Variants in SPATS2L observed in about 807,000 individuals in gnomAD.
SPATS2L encodes the protein spermatogenesis associated serine rich 2 like.
Under a neutral mutation model 59.6 loss-of-function variants are expected in SPATS2L, and 30 were observed. The observed-to-expected ratio is 0.50, with a 90% CI of 0.38 to 0.68. The LOEUF (loss-of-function observed/expected upper bound fraction) is 0.68, where lower values mean the gene tolerates loss of function less well. SPATS2L is among the 30% of genes least tolerant of loss of function. The pLI is 0.00. For synonymous variants in SPATS2L, 252 were observed against 263.5 expected (o/e 0.96, Z 0.42); for missense variants, 615 against 700.0 (o/e 0.88, Z 1.37).
chr2:200,379,984 CAG>C (rs1248439144), intron 2 of SPATS2L, among the ~76,000 whole-genome samples: 1 of 152,130 alleles, frequency 6.6e-6, no homozygotes, highest in Non-Finnish European at 1.5e-5. Context: ...GCCCAGCAAT[CAG>C]AAGCAGATCC....
chr2:200,329,451 G>A lies in SPATS2L; in HGVS notation c.-52G>A, dbSNP rs1389724692. 2 of 1,550,562 alleles carry A rather than the reference G, an allele frequency of 1.3e-6. No homozygotes were observed. Among genetic ancestry groups the A allele is most frequent in the Middle Eastern group, 1.7e-4 (1 of 5,988 alleles). On this transcript the variant is annotated 5_prime_UTR_variant, in exon 2 of 13. Coordinates refer to ENST00000409140, the MANE Select transcript of SPATS2L (RefSeq NM_001100423.2). ...CCTAGAGCTCTTCAGAAACCAGGCTGCTTTCAGGAACATTGCTGTGGATTC... is the reference window on the plus strand; with the variant it reads ...CCTAGAGCTCTTCAGAAACCAGGCTACTTTCAGGAACATTGCTGTGGATTC...
intron 3 of SPATS2L, among the ~76,000 whole-genome samples, chr2:200,406,101 C>T (rs960831962): frequency 6.6e-6 from 1 of 152,172 alleles, no homozygotes; most frequent in African/African-American, 2.4e-5. Context: ...CTGAATGCCA[C>T]CCATTGTTCT....
intron 1 of SPATS2L, among the ~76,000 whole-genome samples, chr2:200,323,929 G>A (rs2079645905): frequency 6.6e-6 from 1 of 152,194 alleles, no homozygotes; most frequent in South Asian, 2.1e-4. Flanking sequence ...GAAAGGGAAC[G>A]GGAATTTGGG....
chr2:200,317,493 A>G (rs2105762481), intron 1 of SPATS2L, among the ~76,000 whole-genome samples: 1 of 152,312 alleles, frequency 6.6e-6, no homozygotes, highest in African/African-American at 2.4e-5. Context: ...CTTATGTTGA[A>G]TAATTTTATA....
Position 200,480,972 on chromosome 2 carries a change from ACT to A in SPATS2L, c.*2943_*2944del, listed in dbSNP as rs1162243155. 6.6e-6 allele frequency: 1 copy of A among 152,164 alleles called. No individual in the cohort carries two copies. Among genetic ancestry groups the A allele is most frequent in the East Asian group, 1.9e-4 (1 of 5,192 alleles). 9.4% of individuals were successfully genotyped at this position (152,164 alleles called of 1,614,324 possible). The stretch of plus-strand genomic sequence containing the variant: ...CCTTATGAAGATGGAATAACTTCAA[ACT>A]CACATTGTGGCACTTAGATCTTCCA... On this transcript the variant is annotated 3_prime_UTR_variant, in exon 13 of 13. Transcript: ENST00000409140.
intron 2 of SPATS2L, among the ~76,000 whole-genome samples, chr2:200,347,371 G>A (rs182216079): frequency 2.6e-5 from 4 of 152,240 alleles, no homozygotes; most frequent in East Asian, 1.9e-4. Context: ...ACTGTCCTGC[G>A]CATGTCTTGA....
At chr2:200,395,767 T>G (rs1052860911) in intron 3 of SPATS2L, among the ~76,000 whole-genome samples, 12 of 151,798 alleles carry the variant, frequency 7.9e-5, no homozygotes, top group Non-Finnish European at 1.8e-4. Flanking sequence ...CACCTGCACT[T>G]TGGGAGGCCA....
chr2:200,386,492 T>G (rs1672101930), intron 2 of SPATS2L, among the ~76,000 whole-genome samples: 1 of 152,192 alleles, frequency 6.6e-6, no homozygotes, highest in African/African-American at 2.4e-5. Context: ...CGAATATAGC[T>G]TACCATCCAT....
intron 7 of SPATS2L, among the ~76,000 whole-genome samples, chr2:200,439,973 G>A (rs542975050): frequency 3.3e-5 from 5 of 152,270 alleles, no homozygotes; most frequent in African/African-American, 1.2e-4. Context: ...TGATTTCCTT[G>A]GCTTTGGTTT....
chr2:200,425,785 G>C (rs968737632), intron 6 of SPATS2L, among the ~76,000 whole-genome samples: 4 of 152,110 alleles, frequency 2.6e-5, no homozygotes, highest in African/African-American at 9.7e-5. Flanking sequence ...CGGGGGATGG[G>C]GAGAAGAGGT....
intron 8 of SPATS2L, among the ~76,000 whole-genome samples, chr2:200,448,562 A>G (rs978374908): frequency 1.3e-5 from 2 of 152,228 alleles, no homozygotes; most frequent in African/African-American, 4.8e-5. Flanking sequence ...GTTTTAAAAG[A>G]CATTTAATAA....
chr2:200,333,844 A>G (rs539505615), intron 2 of SPATS2L, among the ~76,000 whole-genome samples: 21 of 152,188 alleles, frequency 1.4e-4, no homozygotes, highest in African/African-American at 5.1e-4. Context: ...ATCATTTTTT[A>G]TGGCTGCATA....
At chr2:200,449,293 T>C (rs1467316323) in intron 8 of SPATS2L, among the ~76,000 whole-genome samples, 3 of 152,304 alleles carry the variant, frequency 2.0e-5, no homozygotes, top group Admixed American at 6.5e-5. Flanking sequence ...AACTGGCCTT[T>C]TCAGTTTAGG....
At chr2:200,383,690 A>C (rs946842010) in intron 2 of SPATS2L, among the ~76,000 whole-genome samples, 1 of 151,936 alleles carries the variant, frequency 6.6e-6, no homozygotes, top group African/African-American at 2.4e-5. Flanking sequence ...GCATTTACCC[A>C]CTCCAGCTTA....
chr2:200,436,950 C>T (rs1490365217), intron 6 of SPATS2L, among the ~76,000 whole-genome samples: 1 of 152,084 alleles, frequency 6.6e-6, no homozygotes, highest in African/African-American at 2.4e-5. Flanking sequence ...TGCTCAGTTA[C>T]TTCATGTGAG....
At chr2:200,445,257 G>A (rs539547349) in intron 8 of SPATS2L, among the ~76,000 whole-genome samples, 1 of 152,336 alleles carries the variant, frequency 6.6e-6, no homozygotes, top group African/African-American at 2.4e-5. Context: ...AGGCTGTGGT[G>A]AGCCGAGGTC....
At position 200,422,837 on chromosome 2, in the gene SPATS2L, C is replaced by T. The variant is rs116347283; in HGVS notation, c.445+3341C>T. On this transcript the variant is annotated intron_variant, in intron 6 of 12. Coordinates refer to ENST00000409140, the MANE Select transcript of SPATS2L (RefSeq NM_001100423.2). ...GGCACAATAAGAGATTAAAAATAAC[C>T]AATAATAAATAGAACAATTATAGCA... Among the ~76,000 whole-genome samples the T allele has an allele frequency of 9.2e-3, 1,398 of 152,032 alleles. 24 individuals carry two copies. Among genetic ancestry groups the T allele is most frequent in the African/African-American group, 0.031 (1,298 of 41,446 alleles).
In SPATS2L at chr2:200,306,815, C is replaced by A; in HGVS notation, c.-180C>A. 1.0e-6 allele frequency: 1 copy of A among 980,900 alleles called. No homozygotes were observed. Among genetic ancestry groups the A allele is most frequent in the Non-Finnish European group, 1.2e-6 (1 of 828,128 alleles). The allele number at this position is 980,900 out of a possible 1,614,324, so 60.8% of individuals were successfully genotyped here. On this transcript the variant is annotated 5_prime_UTR_variant, in exon 1 of 13. Transcript: ENST00000409140. ...CCCAGGCAGCGGCTCCCGCTCGGCCCGCCCTCCGAGCCGCAGGGGCCGCCA... is the reference window on the plus strand; with the variant it reads ...CCCAGGCAGCGGCTCCCGCTCGGCCAGCCCTCCGAGCCGCAGGGGCCGCCA...
At chr2:200,379,595 T>A (rs1218546322) in intron 2 of SPATS2L, among the ~76,000 whole-genome samples, 1 of 151,224 alleles carries the variant, frequency 6.6e-6, no homozygotes, top group Non-Finnish European at 1.5e-5. Context: ...CATTGGGGAG[T>A]TTGTGGTAAA....
Sources: allele counts gnomAD v4.1 joint callset (sites outside exome capture counted in the v4.1 genomes callset), GRCh38; gene constraint gnomAD v4.1.1; transcripts MANE v1.5; gene names NCBI Gene and HGNC (gene_info 2026-07-23, HGNC 2026-07-21).